AGTPBP1: variants seen among roughly 807,000 people sequenced by gnomAD.
AGTPBP1 encodes cytosolic carboxypeptidase 1.
AGTPBP1 carries 70 observed loss-of-function variants against 143.9 expected under a neutral mutation model. The ratio of observed to expected loss-of-function variants is 0.49; its 90% CI spans 0.40 to 0.59. AGTPBP1 has a LOEUF of 0.59. Among genes scored for constraint, AGTPBP1 ranks in the 20% least tolerant of loss-of-function variants. AGTPBP1 has a pLI of 0.00. For synonymous variants in AGTPBP1, 463 were observed against 500.2 expected (o/e 0.93, Z 0.99); for missense variants, 1,229 against 1,464.5 (o/e 0.84, Z 2.62).
the AGTPBP1 span, among the ~76,000 whole-genome samples, chr9:85,760,019 A>G: frequency 6.6e-6 from 1 of 152,156 alleles, no homozygotes; most frequent in Admixed American, 6.5e-5. Flanking sequence ...GAAAATCTAG[A>G]AGAAATGGAT....
chr9:85,637,734 A>G (rs1318070558), intron 13 of AGTPBP1, among the ~76,000 whole-genome samples: 1 of 152,234 alleles, frequency 6.6e-6, no homozygotes, highest in African/African-American at 2.4e-5. Flanking sequence ...GTAGTCACAT[A>G]GGTGTATAAA....
the AGTPBP1 span, among the ~76,000 whole-genome samples, chr9:85,803,589 C>T: frequency 5.9e-5 from 9 of 152,098 alleles, no homozygotes; most frequent in African/African-American, 1.9e-4. Flanking sequence ...GGCCACTGAC[C>T]ACGTTTTGAG....
At chr9:85,661,974 C>A (rs1305228988) in intron 8 of AGTPBP1, among the ~76,000 whole-genome samples, 2 of 152,258 alleles carry the variant, frequency 1.3e-5, no homozygotes, top group African/African-American at 4.8e-5. Context: ...ACAAACTTAT[C>A]TCTTCCACAG....
intron 1 of AGTPBP1, among the ~76,000 whole-genome samples, chr9:85,723,310 C>A (rs1453581650): frequency 6.6e-6 from 1 of 152,232 alleles, no homozygotes; most frequent in Non-Finnish European, 1.5e-5. Flanking sequence ...GTAGGCCTTG[C>A]TGAGCTATGG....
At position 85,618,907 on chromosome 9, in the gene AGTPBP1, A is replaced by AT; in HGVS notation, c.2335+75dup. 3 of 1,461,914 alleles carry AT rather than the reference A, an allele frequency of 2.1e-6. No homozygotes were observed. The East Asian group carries it at 7.1e-5, about 35-fold the overall frequency. 90.6% of individuals were successfully genotyped at this position (1,461,914 alleles called of 1,614,324 possible). ...CTGAAACATTTTTTAAAAGTTGACA[A>AT]TTTTTTTAAAAAAACTTCTTTTCCA... On this transcript the variant is annotated intron_variant, in intron 17 of 25. Transcript: ENST00000357081.
Position 85,642,883 on chromosome 9 carries a change from T to C in AGTPBP1, c.1246A>G (p.Ile416Val), listed in dbSNP as rs759876786. The C allele has an allele frequency of 6.2e-6, 10 of 1,613,628 alleles. No individual in the cohort carries two copies. The Admixed American group carries it at 6.7e-5, about 11-fold the overall frequency. ...LKPQQEPGRT[I>V]EDLKMYEHLF... Reference sequence around the variant, plus strand: ...TGTTCATACATTTTTAGATCTTCTATTGTTCGTCCCGGTTCTTGCTGGGGT... The same window carrying C: ...TGTTCATACATTTTTAGATCTTCTACTGTTCGTCCCGGTTCTTGCTGGGGT... The change falls in exon 13 of 26, where the codon ATA (isoleucine) becomes GTA (valine). Residue 416 changes from isoleucine (I) to valine (V), a missense_variant. Physicochemically the swap from Ile to Val is conservative, Grantham distance 29. Coordinates refer to ENST00000357081, the MANE Select transcript of AGTPBP1 (RefSeq NM_001330701.2).
At chr9:85,677,028 T>TAGCA (rs1293968469) in intron 6 of AGTPBP1, among the ~76,000 whole-genome samples, 4 of 152,156 alleles carry the variant, frequency 2.6e-5, no homozygotes, top group African/African-American at 9.7e-5. Flanking sequence ...TATCAGAGGC[T>TAGCA]AGCAAGGGTA....
intron 14 of AGTPBP1, among the ~76,000 whole-genome samples, chr9:85,627,349 T>C (rs1483216455): frequency 1.3e-5 from 2 of 152,160 alleles, no homozygotes; most frequent in Non-Finnish European, 2.9e-5. Flanking sequence ...TCACCACATA[T>C]ATGGTCTCAC....
chr9:85,631,516 T>C (rs1280497940), intron 14 of AGTPBP1, among the ~76,000 whole-genome samples: 1 of 152,176 alleles, frequency 6.6e-6, no homozygotes, highest in Admixed American at 6.5e-5. Context: ...CTCCCACACA[T>C]CTTTCCCAGG....
intron 1 of AGTPBP1, among the ~76,000 whole-genome samples, chr9:85,736,845 G>A (rs1409276356): frequency 6.6e-6 from 1 of 152,188 alleles, no homozygotes; most frequent in Non-Finnish European, 1.5e-5. Flanking sequence ...CATGGCTCAC[G>A]CCTCTAATCC....
intron 1 of AGTPBP1, among the ~76,000 whole-genome samples, chr9:85,740,250 G>A (rs1183176095): frequency 1.3e-5 from 2 of 152,160 alleles, no homozygotes; most frequent in Admixed American, 6.6e-5. Flanking sequence ...CTTCATTTCC[G>A]AGTTCAGAGT....
chr9:85,553,319 G>T (rs1826140329), intron 25 of AGTPBP1, among the ~76,000 whole-genome samples: 1 of 152,160 alleles, frequency 6.6e-6, no homozygotes, highest in African/African-American at 2.4e-5. Context: ...AAAATTTTTT[G>T]ACTTTACAAT....
chr9:85,750,293 T>C, the AGTPBP1 span, among the ~76,000 whole-genome samples: 6 of 152,144 alleles, frequency 3.9e-5, no homozygotes, highest in Admixed American at 3.9e-4. Flanking sequence ...GGGGCTAAAT[T>C]ATAGCTATGA....
chr9:85,718,207 GGTTCTA>G (rs1018968154), intron 1 of AGTPBP1, among the ~76,000 whole-genome samples: 3 of 151,792 alleles, frequency 2.0e-5, no homozygotes, highest in African/African-American at 4.8e-5. Context: ...GGGATCACTG[GGTTCTA>G]GTTCTAGTTC....
chr9:85,607,028 T>C (rs1333001214), intron 17 of AGTPBP1, among the ~76,000 whole-genome samples: 2 of 152,002 alleles, frequency 1.3e-5, no homozygotes, highest in African/African-American at 4.8e-5. Flanking sequence ...ATATTGTATA[T>C]TTCAAAATGG....
intron 1 of AGTPBP1, among the ~76,000 whole-genome samples, chr9:85,739,323 C>T (rs544583118): frequency 6.6e-6 from 1 of 152,208 alleles, no homozygotes; most frequent in Non-Finnish European, 1.5e-5. Flanking sequence ...GCATCCATTG[C>T]TATTCACGCA....
intron 11 of AGTPBP1, among the ~76,000 whole-genome samples, chr9:85,647,072 G>A (rs1008139075): frequency 2.0e-5 from 3 of 152,210 alleles, no homozygotes; most frequent in Admixed American, 1.3e-4. Flanking sequence ...GAGGTTGGGA[G>A]TTCGAGACTG....
the AGTPBP1 span, among the ~76,000 whole-genome samples, chr9:85,754,282 C>T: frequency 6.6e-6 from 1 of 151,644 alleles, no homozygotes; most frequent in Non-Finnish European, 1.5e-5. Flanking sequence ...AGCTCCGCCT[C>T]CCGGGTTCAC....
At chr9:85,796,405 T>G in the AGTPBP1 span, among the ~76,000 whole-genome samples, 1 of 152,180 alleles carries the variant, frequency 6.6e-6, no homozygotes, top group African/African-American at 2.4e-5. Context: ...TTTTATGTTG[T>G]TAAAGTGAGA....
Sources: allele counts gnomAD v4.1 joint callset (sites outside exome capture counted in the v4.1 genomes callset), GRCh38; gene constraint gnomAD v4.1.1; transcripts MANE v1.5; gene names NCBI Gene and HGNC (gene_info 2026-07-23, HGNC 2026-07-21).